MAGED1: variants seen among roughly 807,000 people sequenced by gnomAD.
The protein encoded by MAGED1 is melanoma-associated antigen D1.
Under a neutral mutation model 54.1 loss-of-function variants are expected in MAGED1, and 3 were observed. The ratio of observed to expected loss-of-function variants is 0.06; its 90% CI spans 0.03 to 0.14. The LOEUF is 0.14. Ranked by LOEUF, MAGED1 falls within the 10% of genes least tolerant of loss-of-function variation. The pLI is 1.00. For missense variants in MAGED1, 485 were observed against 623.4 expected (o/e 0.78, Z 2.36); for synonymous variants, 217 against 227.3 (o/e 0.95, Z 0.41).
At chrX:51,879,203 T>A (rs1927972486) in intron 1 of MAGED1, among the ~76,000 whole-genome samples, 1 of 111,808 alleles carries the variant, frequency 8.9e-6, no homozygotes, top group Non-Finnish European at 1.9e-5. Flanking sequence ...AGATTTGATT[T>A]CCTCTTTGAA....
intron 1 of MAGED1, among the ~76,000 whole-genome samples, chrX:51,845,816 C>T (rs1469556805): frequency 1.8e-5 from 2 of 111,494 alleles, no homozygotes; most frequent in Non-Finnish European, 3.8e-5. Context: ...CACTCTGTCA[C>T]CCAGGCTGGA....
intron 1 of MAGED1, among the ~76,000 whole-genome samples, chrX:51,893,988 A>T (rs1315251906): frequency 9.3e-6 from 1 of 108,078 alleles, no homozygotes; most frequent in Non-Finnish European, 1.9e-5. Flanking sequence ...CTGACTCAAA[A>T]CCTCCATGCA....
Position 51,900,165 on chromosome X carries a change from C to A in MAGED1, c.1845-17C>A. ...CTGCCTGGGTAGGTAGACACAAAGA[C>A]TGTTTTGCTCTTTCAGATACCTGGA... is the stretch of plus-strand genomic sequence containing the variant. On this transcript the variant is annotated splice_polypyrimidine_tract_variant and intron_variant, in intron 10 of 12. Transcript: ENST00000326587. 1 of 1,075,676 alleles carries A rather than the reference C, an allele frequency of 9.3e-7. No homozygotes were observed. The highest frequency in any genetic ancestry group is 1.3e-6 in the Non-Finnish European group (1 of 773,853). 88.6% of individuals were successfully genotyped at this position (1,075,676 alleles called of 1,213,427 possible).
At chrX:51,858,057 C>A (rs191962506) in intron 1 of MAGED1, 4 of 112,470 alleles carry the variant, frequency 3.6e-5, no homozygotes, top group Admixed American at 9.4e-5. Flanking sequence ...AAAAAAGATT[C>A]TTTGTAAAAG....
chrX:51,894,971 C>T (rs1172270064), intron 2 of MAGED1, 82 bp from the exon 3 acceptor site: 2 of 952,713 alleles, frequency 2.1e-6, no homozygotes, highest in African/African-American at 4.0e-5. Flanking sequence ...CGCTGCTGCG[C>T]TGCCACCCGG....
At chrX:51,900,368 A>G in intron 11 of MAGED1, 72 bp downstream of exon 11, 2 of 841,952 alleles carry the variant, frequency 2.4e-6, no homozygotes, top group Non-Finnish European at 3.4e-6. Context: ...GGCCCAGGGT[A>G]GGAATGAGAT....
chrX:51,846,705 G>A (rs1381620789), intron 1 of MAGED1, among the ~76,000 whole-genome samples: 4 of 111,074 alleles, frequency 3.6e-5, no homozygotes, highest in South Asian at 3.9e-4. Flanking sequence ...TTACGTGGCC[G>A]GAGCAGGTGG....
intron 1 of MAGED1, among the ~76,000 whole-genome samples, chrX:51,879,053 T>C (rs782348832): frequency 3.6e-5 from 4 of 112,336 alleles, no homozygotes; most frequent in Non-Finnish European, 7.5e-5. Flanking sequence ...TGTAATAACT[T>C]ATTCCATCCA....
At chrX:51,871,992 T>C (rs1199054475) in intron 1 of MAGED1, among the ~76,000 whole-genome samples, 1 of 112,142 alleles carries the variant, frequency 8.9e-6, no homozygotes, top group African/African-American at 3.2e-5. Context: ...TGGTATCTCA[T>C]TGTGGTTTTG....
chrX:51,820,163 C>G (rs1925569546), intron 1 of MAGED1, among the ~76,000 whole-genome samples: 1 of 111,900 alleles, frequency 8.9e-6, no homozygotes, highest in African/African-American at 3.2e-5. Flanking sequence ...ACCTTAGAAT[C>G]TTAGTAACTG....
At chrX:51,855,380 G>A (rs1927047257) in intron 1 of MAGED1, among the ~76,000 whole-genome samples, 1 of 111,464 alleles carries the variant, frequency 9.0e-6, no homozygotes, top group Non-Finnish European at 1.9e-5. Flanking sequence ...TTTCTTTTCA[G>A]TATATACAGT....
intron 1 of MAGED1, among the ~76,000 whole-genome samples, chrX:51,833,753 A>G (rs1926150579): frequency 1.8e-5 from 2 of 112,216 alleles, no homozygotes; most frequent in African/African-American, 6.5e-5. Flanking sequence ...CTTCTACTTT[A>G]TAAAATCACG....
At chrX:51,881,508 T>C (rs1446959724) in intron 1 of MAGED1, among the ~76,000 whole-genome samples, 2 of 109,596 alleles carry the variant, frequency 1.8e-5, no homozygotes, top group African/African-American at 6.6e-5. Flanking sequence ...CTCCGCCTCC[T>C]GGGTAGAAGC....
At chrX:51,880,517 C>G (rs1928017080) in intron 1 of MAGED1, among the ~76,000 whole-genome samples, 1 of 111,906 alleles carries the variant, frequency 8.9e-6, no homozygotes, top group Admixed American at 9.5e-5. Context: ...AAATAACTTA[C>G]ATTTCCTGCA....
At chrX:51,887,526 C>T (rs782393040) in intron 1 of MAGED1, among the ~76,000 whole-genome samples, 1 of 111,022 alleles carries the variant, frequency 9.0e-6, no homozygotes, top group African/African-American at 3.3e-5. Context: ...TCAGAAATTG[C>T]CTCACAAATA....
chrX:51,817,793 T>TAG (rs1925487074), intron 1 of MAGED1, among the ~76,000 whole-genome samples: 1 of 112,050 alleles, frequency 8.9e-6, no homozygotes, highest in African/African-American at 3.2e-5. Context: ...CCCTACCACT[T>TAG]TTCAATACCT....
At position 51,857,173 on chromosome X, in the gene MAGED1, A is replaced by G. The variant is rs782031332; in HGVS notation, c.-36-37096A>G. ...TACCATCTGAGGACTCACACCTGAG[A>G]ATTCATTGATTTGTTATGGCCATAA... On this transcript the variant is annotated intron_variant, in intron 1 of 12. Coordinates refer to the MAGED1 transcript ENST00000375772. The G allele has an allele frequency of 2.7e-5, 3 of 111,879 alleles. No homozygotes were observed. In the South Asian group the frequency reaches 1.1e-3, roughly 42 times the overall value. 9.2% of individuals were successfully genotyped at this position (111,879 alleles called of 1,213,427 possible).
intron 1 of MAGED1, among the ~76,000 whole-genome samples, chrX:51,843,618 C>T (rs901316903): frequency 7.2e-5 from 8 of 111,669 alleles, no homozygotes; most frequent in Non-Finnish European, 1.3e-4. Context: ...AATTTTTAGA[C>T]TTTTTACCTC....
At chrX:51,820,654 A>G (rs1299324156) in intron 1 of MAGED1, among the ~76,000 whole-genome samples, 1 of 111,558 alleles carries the variant, frequency 9.0e-6, no homozygotes, top group Admixed American at 9.5e-5. Flanking sequence ...CTATTTATTT[A>G]TGGGGTACAG....
Sources: gnomAD v4.1 joint callset for allele counts (sites outside exome capture counted in the v4.1 genomes callset) on GRCh38, gnomAD v4.1.1 for gene constraint, MANE v1.5 for transcripts, NCBI Gene and HGNC (gene_info 2026-07-23, HGNC 2026-07-21) for gene names.